TMC1: variants seen among roughly 807,000 people sequenced by gnomAD.
The protein encoded by TMC1 is transmembrane channel-like protein 1.
Under a neutral mutation model 105.8 loss-of-function variants are expected in TMC1, and 84 were observed. The ratio of observed to expected loss-of-function variants is 0.79; its 90% CI spans 0.67 to 0.95. TMC1 has a LOEUF of 0.95. TMC1 is among the 40% of genes least tolerant of loss of function. The pLI, the probability that TMC1 is intolerant of heterozygous loss-of-function variation, is 0.00. For synonymous variants in TMC1, 315 were observed against 311.5 expected (o/e 1.01, Z -0.12); for missense variants, 817 against 914.1 (o/e 0.89, Z 1.37).
chr9:72,699,987 C>T (rs1383400043), intron 7 of TMC1, among the ~76,000 whole-genome samples: 2 of 141,458 alleles, frequency 1.4e-5, no homozygotes, highest in Non-Finnish European at 3.0e-5. Context: ...AAAAGCCCGG[C>T]TTATGCCTGT....
At chr9:72,527,507 G>C (rs1230832168) in intron 1 of TMC1, among the ~76,000 whole-genome samples, 2 of 152,122 alleles carry the variant, frequency 1.3e-5, no homozygotes, top group East Asian at 3.9e-4. Context: ...ACCAGCAGGA[G>C]AGCAGCCTCT....
chr9:72,597,700 T>C (rs1161175271), intron 2 of TMC1, among the ~76,000 whole-genome samples: 5 of 152,186 alleles, frequency 3.3e-5, no homozygotes, highest in African/African-American at 4.8e-5. Flanking sequence ...GCTGTATGTG[T>C]TCTCTTTGGC....
chr9:72,634,765 T>C (rs914993227), intron 4 of TMC1, among the ~76,000 whole-genome samples: 2 of 152,226 alleles, frequency 1.3e-5, no homozygotes, highest in Admixed American at 1.3e-4. Context: ...TTTGCTAGAA[T>C]GGTTCACGGA....
intron 18 of TMC1, among the ~76,000 whole-genome samples, chr9:72,813,422 G>A (rs1487157700): frequency 1.3e-5 from 2 of 152,072 alleles, no homozygotes; most frequent in African/African-American, 4.8e-5. Flanking sequence ...CATTTCTAAG[G>A]TGTTTACAGA....
chr9:72,655,485 G>T (rs541805257), intron 5 of TMC1, among the ~76,000 whole-genome samples: 2 of 151,758 alleles, frequency 1.3e-5, no homozygotes, highest in South Asian at 2.1e-4. Context: ...TCTCCCTTCT[G>T]GGACTCCAAT....
chr9:72,567,427 A>G (rs917779419), intron 1 of TMC1, among the ~76,000 whole-genome samples: 30 of 152,320 alleles, frequency 2.0e-4, no homozygotes, highest in African/African-American at 6.5e-4. Context: ...TCATGCCACT[A>G]TGAAGAAATA....
rs547085459 is a variant in TMC1 at position 72,602,621 on chromosome 9, C to T, written c.-305-13747C>T. Among the ~76,000 whole-genome samples the T allele has an allele frequency of 1.8e-3, 270 of 152,136 alleles. 1 individual carries two copies. Among genetic ancestry groups the T allele is most frequent in the African/African-American group, 6.0e-3 (249 of 41,480 alleles). ...AGCTCCTGACCTCAAGTGATCCATC[C>T]GCCTCGGCCTCCCAAAATGTTGGGA... On this transcript the variant is annotated intron_variant, in intron 2 of 23. Transcript: ENST00000297784.
chr9:72,690,250 C>G (rs574412141), intron 6 of TMC1, among the ~76,000 whole-genome samples: 1 of 152,194 alleles, frequency 6.6e-6, no homozygotes, highest in South Asian at 2.1e-4. Context: ...TTCCTTGACA[C>G]TTAATATTAT....
chr9:72,670,904 G>A (rs976821283), intron 5 of TMC1, among the ~76,000 whole-genome samples: 4 of 152,216 alleles, frequency 2.6e-5, no homozygotes, highest in Admixed American at 2.6e-4. Flanking sequence ...ATGAAATGGT[G>A]TAGTATCACT....
intron 13 of TMC1, among the ~76,000 whole-genome samples, chr9:72,777,016 A>G (rs944417093): frequency 2.0e-5 from 3 of 152,208 alleles, no homozygotes; most frequent in African/African-American, 7.2e-5. Flanking sequence ...TGTTAAAAAA[A>G]AAATTAAACT....
At position 72,789,207 on chromosome 9, in the gene TMC1, G is replaced by A. The variant is rs367924428; in HGVS notation, c.1114G>A (p.Val372Met). Residue 372 changes from valine to methionine, a missense_variant, in exon 15 of 24, where the codon GTG becomes ATG. By Grantham distance (21) the Val-to-Met change is conservative. Transcript: ENST00000297784. ...RFLRFLANFF[V>M]FLTLGGSGYL... Reference sequence around the variant, plus strand: ...CCTGAGGTTTCTGGCTAACTTCTTCGTGTTTCTAACACTTGGAGGGAGTGG... The same window carrying A: ...CCTGAGGTTTCTGGCTAACTTCTTCATGTTTCTAACACTTGGAGGGAGTGG... The A allele has an allele frequency of 7.0e-5, 113 of 1,613,794 alleles. No homozygotes were observed. Among genetic ancestry groups the A allele is most frequent in the South Asian group, 2.4e-4 (22 of 91,074 alleles).
intron 8 of TMC1, among the ~76,000 whole-genome samples, chr9:72,716,701 C>G (rs980455874): frequency 6.6e-6 from 1 of 152,148 alleles, no homozygotes; most frequent in Non-Finnish European, 1.5e-5. Context: ...TGCTGGGCTC[C>G]GTGGGAGTGG....
intron 7 of TMC1, among the ~76,000 whole-genome samples, chr9:72,698,840 AATATTGGTG>A (rs1826595234): frequency 6.6e-6 from 1 of 152,096 alleles, no homozygotes; most frequent in Non-Finnish European, 1.5e-5. Context: ...TAGTGTTGGT[AATATTGGTG>A]ATAAGGATTC....
chr9:72,663,428 A>C (rs964236576), intron 5 of TMC1, among the ~76,000 whole-genome samples: 2 of 152,200 alleles, frequency 1.3e-5, no homozygotes, highest in Non-Finnish European at 2.9e-5. Context: ...AGTCCTACAA[A>C]GGCAGCCTAG....
intron 12 of TMC1, among the ~76,000 whole-genome samples, chr9:72,762,902 A>G (rs761200403): frequency 5.3e-5 from 8 of 152,084 alleles, no homozygotes; most frequent in Admixed American, 1.3e-4. Context: ...GATGCATTTC[A>G]TGTTCTATTC....
intron 19 of TMC1, among the ~76,000 whole-genome samples, chr9:72,817,755 CTA>C (rs1828809661): frequency 6.6e-6 from 1 of 152,192 alleles, no homozygotes; most frequent in Non-Finnish European, 1.5e-5. Flanking sequence ...TGTTAGTCCA[CTA>C]TTGTTCATAT....
chr9:72,736,589 G>A (rs1426559427), intron 8 of TMC1, among the ~76,000 whole-genome samples: 1 of 152,156 alleles, frequency 6.6e-6, no homozygotes, highest in Non-Finnish European at 1.5e-5. Context: ...GAGATGTCCT[G>A]AAAGTGAGCA....
At chr9:72,745,482 A>G (rs1318781471) in intron 10 of TMC1, among the ~76,000 whole-genome samples, 8 of 152,164 alleles carry the variant, frequency 5.3e-5, no homozygotes, top group Non-Finnish European at 1.0e-4. Flanking sequence ...GATCGTTATC[A>G]AGGAATTATT....
intron 8 of TMC1, among the ~76,000 whole-genome samples, chr9:72,735,094 C>T (rs148344997): frequency 2.0e-5 from 3 of 152,294 alleles, no homozygotes; most frequent in Admixed American, 6.5e-5. Flanking sequence ...AATGATGAGG[C>T]CAGGTATTAT....
Sources: allele counts gnomAD v4.1 joint callset (sites outside exome capture counted in the v4.1 genomes callset), GRCh38; gene constraint gnomAD v4.1.1; transcripts MANE v1.5; gene names NCBI Gene and HGNC (gene_info 2026-07-23, HGNC 2026-07-21).